The following SEC24D variants were observed in gnomAD, a reference collection of about 807,000 sequenced individuals.
SEC24D encodes the protein protein transport protein Sec24D.
A neutral mutation model predicts 116.9 loss-of-function variants in SEC24D; 69 were observed. That is an observed-to-expected ratio of 0.59 (90% CI 0.49 to 0.72). The LOEUF is 0.72. Ranked by LOEUF, SEC24D falls within the 30% of genes least tolerant of loss-of-function variation. The probability of loss-of-function intolerance (pLI) is 0.00; values close to 1 mark genes in which losing one functional copy is unlikely to be tolerated. For synonymous variants in SEC24D, 405 were observed against 442.8 expected, an observed-to-expected ratio of 0.91 and a Z score of 1.07; for missense variants, 1,131 against 1,264.1, an observed-to-expected ratio of 0.89 and a Z score of 1.60.
intron 19 of SEC24D, among the ~76,000 whole-genome samples, chr4:118,735,159 C>A (rs1468773805): frequency 6.6e-6 from 1 of 151,962 alleles, no homozygotes; most frequent in Non-Finnish European, 1.5e-5. Flanking sequence ...ACTAAAAAGT[C>A]TAATCAGAGG....
At chr4:118,796,358 A>C (rs1729180515) in intron 8 of SEC24D, among the ~76,000 whole-genome samples, 1 of 152,170 alleles carries the variant, frequency 6.6e-6, no homozygotes, top group South Asian at 2.1e-4. Flanking sequence ...ATTATATTAA[A>C]TTTCTAGAAC....
chr4:118,827,079 G>A (rs75581055), intron 2 of SEC24D, among the ~76,000 whole-genome samples: 3,914 of 152,248 alleles, frequency 0.026, 147 homozygotes, highest in African/African-American at 0.081. Context: ...ATAGAAGACA[G>A]GATAAGGGAT....
chr4:118,820,610 T>C (rs115085630), intron 3 of SEC24D, among the ~76,000 whole-genome samples: 6,637 of 152,138 alleles, frequency 0.044, 200 homozygotes, highest in Non-Finnish European at 0.064. Flanking sequence ...TTAATCTCTG[T>C]AGCTCTCAGC....
chr4:118,725,809 T>C lies in SEC24D; in HGVS notation c.2959-2154A>G, dbSNP rs1371637103. 3.3e-5 allele frequency among the ~76,000 whole-genome samples: 5 copies of C among 152,228 alleles called. No individual in the cohort carries two copies. In the East Asian group the frequency reaches 9.7e-4, roughly 29 times the overall value. ...AGGTGTCAGGATGACACAGAAAGTA[T>C]AGTGGAAGGTCTCAGGGGAGTGGAG... is the stretch of plus-strand genomic sequence containing the variant. On this transcript the variant is annotated intron_variant, in intron 22 of 22. Coordinates refer to ENST00000280551, the MANE Select transcript of SEC24D (RefSeq NM_014822.4).
chr4:118,783,130 A>G (rs778498249), intron 8 of SEC24D, among the ~76,000 whole-genome samples: 1 of 152,120 alleles, frequency 6.6e-6, no homozygotes, highest in Non-Finnish European at 1.5e-5. Flanking sequence ...AACCAGTCCT[A>G]ATGAGATGAA....
chr4:118,804,209 A>G (rs914928051), intron 7 of SEC24D, among the ~76,000 whole-genome samples: 21 of 152,228 alleles, frequency 1.4e-4, no homozygotes, highest in African/African-American at 4.6e-4. Context: ...ATGTTTCCCA[A>G]TTAAAGGGCT....
intron 7 of SEC24D, among the ~76,000 whole-genome samples, chr4:118,800,782 C>T (rs1387614667): frequency 2.0e-5 from 3 of 152,042 alleles, no homozygotes; most frequent in East Asian, 1.9e-4. Context: ...ACTGAGACAC[C>T]GGGAGGTTAT....
intron 3 of SEC24D, among the ~76,000 whole-genome samples, chr4:118,821,765 C>T (rs190222487): frequency 2.4e-4 from 37 of 152,342 alleles, no homozygotes; most frequent in Admixed American, 2.2e-3. Context: ...ATGTGATTCA[C>T]CTGCACAATC....
chr4:118,778,916 T>C (rs1013308236), intron 8 of SEC24D, among the ~76,000 whole-genome samples: 2 of 152,160 alleles, frequency 1.3e-5, no homozygotes, highest in African/African-American at 2.4e-5. Flanking sequence ...CTGTTATTGG[T>C]ATATAGGAAT....
intron 13 of SEC24D, among the ~76,000 whole-genome samples, chr4:118,745,943 A>G (rs933495601): frequency 1.1e-4 from 16 of 152,060 alleles, no homozygotes; most frequent in East Asian, 1.9e-4. Context: ...TGGGAGGCCA[A>G]TGCAGGAGGA....
chr4:118,746,156 AC>A (rs1578393188), intron 13 of SEC24D, among the ~76,000 whole-genome samples: 1 of 149,036 alleles, frequency 6.7e-6, no homozygotes, highest in East Asian at 2.0e-4. Flanking sequence ...AGCCTAGGTG[AC>A]AGCAAGATCC....
At chr4:118,816,518 T>G (rs1393352484) in intron 4 of SEC24D, among the ~76,000 whole-genome samples, 1 of 152,226 alleles carries the variant, frequency 6.6e-6, no homozygotes, top group Non-Finnish European at 1.5e-5. Context: ...TGCTCTCCAA[T>G]CATATTGGAA....
At chr4:118,785,160 A>G (rs1422282828) in intron 8 of SEC24D, among the ~76,000 whole-genome samples, 1 of 152,176 alleles carries the variant, frequency 6.6e-6, no homozygotes, top group Non-Finnish European at 1.5e-5. Flanking sequence ...CAGTTTTAGT[A>G]TCAAATATGG....
At chr4:118,749,586 C>T (rs1037241984) in intron 13 of SEC24D, among the ~76,000 whole-genome samples, 9 of 152,134 alleles carry the variant, frequency 5.9e-5, no homozygotes, top group Admixed American at 1.3e-4. Flanking sequence ...TCTGGTCTTC[C>T]GGGCAGAATA....
intron 7 of SEC24D, among the ~76,000 whole-genome samples, chr4:118,799,002 C>T (rs540747807): frequency 1.3e-5 from 2 of 152,336 alleles, no homozygotes; most frequent in East Asian, 3.9e-4. Context: ...TGGGGAGCCA[C>T]TGATGGCTTT....
intron 8 of SEC24D, among the ~76,000 whole-genome samples, chr4:118,786,363 C>T (rs1364986131): frequency 6.6e-6 from 1 of 151,938 alleles, no homozygotes; most frequent in Admixed American, 6.6e-5. Flanking sequence ...GCCTTTTATT[C>T]AATGGGAACT....
At chr4:118,789,465 C>T (rs1475507660) in intron 8 of SEC24D, among the ~76,000 whole-genome samples, 3 of 152,236 alleles carry the variant, frequency 2.0e-5, no homozygotes, top group Non-Finnish European at 2.9e-5. Context: ...CTCCATTAAT[C>T]GGTTCCTTGA....
intron 11 of SEC24D, chr4:118,753,996 T>C (rs1424023126): frequency 1.3e-5 from 2 of 152,172 alleles, no homozygotes; most frequent in African/African-American, 4.8e-5. Flanking sequence ...GATGGAAGTA[T>C]CTCAAGTTCA....
Position 118,740,753 on chromosome 4 carries a change from T to A in SEC24D, c.2148A>T (p.Val716=). The A allele has an allele frequency of 6.2e-7, 1 of 1,613,964 alleles. No homozygotes were observed. The highest frequency in any genetic ancestry group is 8.5e-7 in the Non-Finnish European group (1 of 1,179,874). The change falls in exon 17 of 23, where the codon GTA becomes GTT. Residue 716 remains valine (V), a synonymous_variant. Transcript: ENST00000280551. ...GGILMNNTTD[V]EMAAIDCDKA... is the part of the protein sequence containing the mutation. ...TGTCACAATCGATGGCAGCCATTTC[T>A]ACATCGGTGGTGTTGTTCATCAAGA...
Sources: gnomAD v4.1 joint callset for allele counts (sites outside exome capture counted in the v4.1 genomes callset) on GRCh38, gnomAD v4.1.1 for gene constraint, MANE v1.5 for transcripts, NCBI Gene and HGNC (gene_info 2026-07-23, HGNC 2026-07-21) for gene names.